RYR2: variants seen among roughly 807,000 people sequenced by gnomAD.
The protein encoded by RYR2 is ryanodine receptor 2, also known as cardiac muscle ryanodine receptor-calcium release channel.
RYR2 carries 227 observed loss-of-function variants against 601.1 expected under a neutral mutation model. The observed-to-expected ratio is 0.38, with a 90% confidence interval of 0.34 to 0.42. The LOEUF is 0.42. Among genes scored for constraint, RYR2 ranks in the 10% least tolerant of loss-of-function variants. The pLI, the probability that RYR2 is intolerant of heterozygous loss-of-function variation, is 1.00. For missense variants in RYR2, 4,646 were observed against 6,156.5 expected, an observed-to-expected ratio of 0.75 and a Z score of 8.21; for synonymous variants, 2,223 against 2,175.1, an observed-to-expected ratio of 1.02 and a Z score of -0.61.
intron 2 of RYR2, among the ~76,000 whole-genome samples, chr1:237,277,240 C>G (rs1216177653): frequency 6.6e-6 from 1 of 152,132 alleles, no homozygotes; most frequent in African/African-American, 2.4e-5. Context: ...TAATAAAATA[C>G]CTCCTTAACA....
rs1274223160 is a variant in RYR2 at position 237,190,060 on chromosome 1, A to AT, written c.49-80429dup. Among the ~76,000 whole-genome samples the AT allele has an allele frequency of 7.3e-5, 11 of 151,062 alleles. No homozygotes were observed. In the East Asian group the frequency reaches 9.7e-4, roughly 13 times the overall value. ...GCTAATTTATTTATTTTTTATTTTT[A>AT]TTTTTTTTAGTATAGACAGGGTTTC... On this transcript the variant is annotated intron_variant, in intron 1 of 104. Coordinates refer to ENST00000366574, the MANE Select transcript of RYR2 (RefSeq NM_001035.3).
chr1:237,363,210 C>T (rs114273936), intron 4 of RYR2, among the ~76,000 whole-genome samples: 2,400 of 152,050 alleles, frequency 0.016, 70 homozygotes, highest in African/African-American at 0.056. Context: ...TTAGTGATAT[C>T]TCTACCATTA....
chr1:237,075,588 C>A (rs1664937204), intron 1 of RYR2, among the ~76,000 whole-genome samples: 2 of 51,276 alleles, frequency 3.9e-5, no homozygotes, highest in Non-Finnish European at 8.5e-5. Context: ...AACGGCGCAC[C>A]ACGAGACTAT....
chr1:237,642,122 G>C (rs921077893), intron 47 of RYR2, among the ~76,000 whole-genome samples: 1 of 152,182 alleles, frequency 6.6e-6, no homozygotes, highest in African/African-American at 2.4e-5. Context: ...AAAGTGGGAT[G>C]AGCATGAAGC....
Position 237,633,570 on chromosome 1 carries a change from A to T in RYR2, c.6556-8A>T, listed in dbSNP as rs2148700629. ...CTTTCAGCAGCTAATGACATGCTTT[A>T]TCTGTAGGAAATCACCTTTCCCAAG... On this transcript the variant is annotated splice_region_variant and splice_polypyrimidine_tract_variant and intron_variant, in intron 42 of 104. Transcript: ENST00000366574. 1.2e-6 allele frequency: 2 copies of T among 1,613,892 alleles called. No homozygotes were observed. Among genetic ancestry groups the T allele is most frequent in the Middle Eastern group, 1.7e-4 (1 of 6,060 alleles).
intron 11 of RYR2, among the ~76,000 whole-genome samples, chr1:237,422,279 A>G (rs1380668861): frequency 1.3e-5 from 2 of 152,226 alleles, no homozygotes; most frequent in African/African-American, 4.8e-5. Flanking sequence ...CTTATGGGGT[A>G]CATAGTGATG....
intron 102 of RYR2, among the ~76,000 whole-genome samples, chr1:237,828,890 G>GT (rs1176494773): frequency 6.6e-6 from 1 of 152,132 alleles, no homozygotes; most frequent in Non-Finnish European, 1.5e-5. Context: ...AAGTCTGTGG[G>GT]TTTGATAAGG....
At chr1:237,603,104 G>A (rs141958298) in intron 35 of RYR2, among the ~76,000 whole-genome samples, 5,563 of 152,258 alleles carry the variant, frequency 0.037, 188 homozygotes, top group African/African-American at 0.089. Flanking sequence ...GGTAAACGGC[G>A]GGAGTAACTA....
intron 48 of RYR2, among the ~76,000 whole-genome samples, chr1:237,648,137 C>G (rs968149472): frequency 6.6e-6 from 1 of 152,178 alleles, no homozygotes; most frequent in African/African-American, 2.4e-5. Flanking sequence ...ATGGATTTCA[C>G]TTGGAGTTTT....
At chr1:237,829,548 G>T (rs547271734) in intron 102 of RYR2, among the ~76,000 whole-genome samples, 23 of 152,198 alleles carry the variant, frequency 1.5e-4, no homozygotes, top group Non-Finnish European at 2.8e-4. Flanking sequence ...CGGTAAAGCT[G>T]ATGAGTGTGA....
At chr1:237,773,733 A>G (rs1307675251) in intron 87 of RYR2, 85 bp downstream of exon 87, 5 of 1,049,640 alleles carry the variant, frequency 4.8e-6, no homozygotes, top group African/African-American at 3.2e-5. Flanking sequence ...CATATCTCCT[A>G]TTGACCCCTT....
rs770451076 is a variant in RYR2, at chr1:237,441,475, C to A, written c.1162C>A (p.Gln388Lys). ...DVKSVRMGSI[Q>K]RKAIMHHEGH... ...GAAATCCGTGAGAATGGGATCTATA[C>A]AACGTAAGGTAAGGTGATAGAAAAA... The change falls in exon 13 of 105, where the codon CAA becomes AAA. Residue 388 changes from glutamine to lysine, a missense_variant. Physicochemically the swap from Gln to Lys is moderately conservative, Grantham distance 53. This residue lies in a region of RYR2 where 1,807 missense variants were observed against 2,088.1 expected (regional missense o/e 0.87). Coordinates refer to ENST00000366574, the MANE Select transcript of RYR2 (RefSeq NM_001035.3). 1.3e-6 allele frequency: 2 copies of A among 1,535,672 alleles called. No homozygotes were observed. The highest frequency in any genetic ancestry group is 3.7e-5 in the Admixed American group (2 of 54,382).
intron 27 of RYR2, 104 bp downstream of exon 27, chr1:237,550,795 G>A: frequency 8.1e-7 from 1 of 1,233,810 alleles, no homozygotes; most frequent in Non-Finnish European, 1.1e-6. Flanking sequence ...GAGTCCTCTA[G>A]TCTAGGTGTG....
At chr1:237,523,224 G>A (rs888687835) in intron 24 of RYR2, among the ~76,000 whole-genome samples, 11 of 152,090 alleles carry the variant, frequency 7.2e-5, no homozygotes, top group Admixed American at 2.0e-4. Context: ...TCCATCCATT[G>A]GAGTTAATTA....
chr1:237,548,259 T>G lies in RYR2; in HGVS notation c.2907-172T>G, dbSNP rs7521938. Among the ~76,000 whole-genome samples the G allele has an allele frequency of 0.03, 4,520 of 152,278 alleles. 145 individuals carry two copies. Among genetic ancestry groups the G allele is most frequent in the African/African-American group, 0.077 (3,194 of 41,540 alleles). On this transcript the variant is annotated intron_variant, in intron 25 of 104. Transcript: ENST00000366574. Reference sequence around the variant, plus strand: ...AAGATTATGTGGCTTTTCATTCTGATCAGTTATTAGCTAAAGTGAAAGGAA... The same window carrying G: ...AAGATTATGTGGCTTTTCATTCTGAGCAGTTATTAGCTAAAGTGAAAGGAA...
rs928499274 is a variant in RYR2, at chr1:237,226,248, C to A, written c.49-44249C>A. Among the ~76,000 whole-genome samples the A allele has an allele frequency of 3.3e-5, 5 of 152,058 alleles. No homozygotes were observed. In the East Asian group the frequency reaches 9.6e-4, roughly 29 times the overall value. On this transcript the variant is annotated intron_variant, in intron 1 of 104. Coordinates refer to ENST00000366574, the MANE Select transcript of RYR2 (RefSeq NM_001035.3). ...GTTGGATTCCTCTCCTGAGTTCATG[C>A]GAAATTGCTGCGTATTTCGCCTCTC...
chr1:237,280,820 T>C (rs1344056361), intron 2 of RYR2, among the ~76,000 whole-genome samples: 2 of 151,530 alleles, frequency 1.3e-5, no homozygotes, highest in Non-Finnish European at 2.9e-5. Flanking sequence ...AGTCTCACTC[T>C]GTCTCCCGGG....
rs571740474 is a variant in RYR2, at chr1:237,544,348, T to C, written c.2907-4083T>C. ...GAGAGAAAAGTCTGTCGGCTGATTC[T>C]GGCAGAAGTTTCTCATGATGTTTGA... On this transcript the variant is annotated intron_variant, in intron 25 of 104. Transcript: ENST00000366574. 4.6e-5 allele frequency among the ~76,000 whole-genome samples: 7 copies of C among 152,324 alleles called. No individual in the cohort carries two copies. In the East Asian group the frequency reaches 1.2e-3, roughly 25 times the overall value.
In RYR2 at chr1:237,309,724, C is replaced by G. The variant is rs79258830; in HGVS notation, c.169-21154C>G. 6.8e-4 allele frequency among the ~76,000 whole-genome samples: 103 copies of G among 151,842 alleles called. No homozygotes were observed. The Middle Eastern group carries it at 0.01, about 15-fold the overall frequency. ...GCTCGGACACGCAGGAGCCCATGGCCGGGGGGAGGCTCGGGCATGGCAGGC... is the reference window on the plus strand; with the variant it reads ...GCTCGGACACGCAGGAGCCCATGGCGGGGGGGAGGCTCGGGCATGGCAGGC... On this transcript the variant is annotated intron_variant, in intron 2 of 104. Coordinates refer to ENST00000366574, the MANE Select transcript of RYR2 (RefSeq NM_001035.3).
Sources: allele counts gnomAD v4.1 joint callset (sites outside exome capture counted in the v4.1 genomes callset), GRCh38; gene constraint gnomAD v4.1.1; regional missense constraint gnomAD v4.1.1; transcripts MANE v1.5; gene names NCBI Gene and HGNC (gene_info 2026-07-23, HGNC 2026-07-21).